The following SPOPL variants were observed in gnomAD, a reference collection of about 807,000 sequenced individuals.
SPOPL encodes speckle type BTB/POZ protein like.
SPOPL carries 23 observed loss-of-function variants against 53.8 expected under a neutral mutation model. The ratio of observed to expected loss-of-function variants is 0.43; its 90% CI spans 0.31 to 0.61. The LOEUF (loss-of-function observed/expected upper bound fraction) is 0.61. Among genes scored for constraint, SPOPL ranks in the 20% least tolerant of loss-of-function variants. The probability of loss-of-function intolerance (pLI) is 0.12; values close to 1 mark genes in which losing one functional copy is unlikely to be tolerated. For missense variants in SPOPL, 442 were observed against 466.9 expected (o/e 0.95, Z 0.49); for synonymous variants, 164 against 149.7 (o/e 1.10, Z -0.70).
intron 1 of SPOPL, among the ~76,000 whole-genome samples, chr2:138,536,682 G>GTTTA (rs1457721584): frequency 1.3e-5 from 2 of 152,050 alleles, no homozygotes; most frequent in African/African-American, 4.8e-5. Context: ...CTGTCCTGTA[G>GTTTA]TTTAGCCTTT....
chr2:138,507,612 T>TA (rs1238720332), intron 1 of SPOPL, among the ~76,000 whole-genome samples: 1 of 152,200 alleles, frequency 6.6e-6, no homozygotes, highest in Non-Finnish European at 1.5e-5. Flanking sequence ...AAAGAAATGA[T>TA]ACTCCAAGTA....
intron 1 of SPOPL, among the ~76,000 whole-genome samples, chr2:138,521,600 G>A (rs1055290603): frequency 6.6e-6 from 1 of 152,018 alleles, no homozygotes; most frequent in Non-Finnish European, 1.5e-5. Context: ...AAGTGACAAG[G>A]CAGCAGTAAA....
chr2:138,545,723 G>C (rs373083598), intron 1 of SPOPL, among the ~76,000 whole-genome samples: 2 of 152,142 alleles, frequency 1.3e-5, no homozygotes, highest in African/African-American at 4.8e-5. Context: ...ACAGGCGTGA[G>C]CCACCGCGCC....
At chr2:138,568,633 A>G (rs1685715572) in intron 10 of SPOPL, among the ~76,000 whole-genome samples, 1 of 152,154 alleles carries the variant, frequency 6.6e-6, no homozygotes. Context: ...AGAGGCATGT[A>G]AAAGAAGAGA....
chr2:138,563,462 A>G (rs1015959701), intron 8 of SPOPL, among the ~76,000 whole-genome samples: 23 of 152,228 alleles, frequency 1.5e-4, no homozygotes, highest in Non-Finnish European at 7.3e-5. Flanking sequence ...AGCCTGGGCA[A>G]CAGAGCAAGA....
At position 138,571,254 on chromosome 2, in the gene SPOPL, G is replaced by C. The variant is rs1023475898; in HGVS notation, c.*2174G>C. On this transcript the variant is annotated 3_prime_UTR_variant, in exon 11 of 11. Transcript: ENST00000280098. ...TTTATATCCAATGCGCACCACACCG[G>C]CACATTGTGATTTAATTCACCGCTT... 8 of 152,302 alleles carry C rather than the reference G, an allele frequency of 5.3e-5. No homozygotes were observed. Among genetic ancestry groups the C allele is most frequent in the African/African-American group, 1.9e-4 (8 of 41,368 alleles). The allele number at this position is 152,302 out of a possible 1,614,324, so 9.4% of individuals were successfully genotyped here. A position where few individuals can be genotyped will look rare whatever the true frequency, so the allele number is the denominator to read the frequency against.
intron 1 of SPOPL, among the ~76,000 whole-genome samples, chr2:138,536,337 GCCCC>G (rs74611889): frequency 1.0e-5 from 1 of 98,584 alleles, no homozygotes; most frequent in African/African-American, 4.0e-5. Flanking sequence ...TCTATTTAGT[GCCCC>G]CCCCCCACAC....
intron 1 of SPOPL, among the ~76,000 whole-genome samples, chr2:138,538,175 G>A (rs1180500056): frequency 6.6e-6 from 1 of 152,156 alleles, no homozygotes; most frequent in African/African-American, 2.4e-5. Context: ...ATGCACTTGA[G>A]AAGAATGTGT....
At position 138,560,746 on chromosome 2, in the gene SPOPL, G is replaced by A. The variant is rs1318332552; in HGVS notation, c.715-59G>A. On this transcript the variant is annotated intron_variant, in intron 7 of 10. Coordinates refer to ENST00000280098, the MANE Select transcript of SPOPL (RefSeq NM_001001664.3). Reference sequence around the variant, plus strand: ...TAAATTACTGTCAAAGATTCACTTTGGTTCATTTGTGTGTACTTTTTTTTT... The same window carrying A: ...TAAATTACTGTCAAAGATTCACTTTAGTTCATTTGTGTGTACTTTTTTTTT... The A allele has an allele frequency of 3.9e-6, 6 of 1,523,334 alleles. No homozygotes were observed. The African/African-American group carries it at 4.3e-5, about 11-fold the overall frequency. 94.4% of individuals were successfully genotyped at this position (1,523,334 alleles called of 1,614,324 possible).
In SPOPL at chr2:138,569,960, T is replaced by C. The variant is rs1482542403; in HGVS notation, c.*880T>C. 1 of 152,616 alleles carries C rather than the reference T, an allele frequency of 6.6e-6. No homozygotes were observed. Among genetic ancestry groups the C allele is most frequent in the African/African-American group, 2.4e-5 (1 of 41,462 alleles). 9.5% of individuals were successfully genotyped at this position (152,616 alleles called of 1,614,324 possible). ...ACTTTTGTATGCTGAATGGTACATA[T>C]ATTTTTTTGCTTTTGAGGGAATTAA... On this transcript the variant is annotated 3_prime_UTR_variant, in exon 11 of 11. Transcript: ENST00000280098.
At chr2:138,514,205 G>A (rs1368915745) in intron 1 of SPOPL, among the ~76,000 whole-genome samples, 2 of 152,156 alleles carry the variant, frequency 1.3e-5, no homozygotes, top group East Asian at 1.9e-4. Context: ...TACCCAAGGC[G>A]GTCAGAGCAT....
At chr2:138,561,394 AT>A (rs1314118977) in intron 8 of SPOPL, among the ~76,000 whole-genome samples, 1 of 152,150 alleles carries the variant, frequency 6.6e-6, no homozygotes, top group East Asian at 1.9e-4. Flanking sequence ...TGTAATGATG[AT>A]TTTTTTGAAG....
At chr2:138,563,788 A>G (rs1685601871) in intron 8 of SPOPL, among the ~76,000 whole-genome samples, 1 of 152,230 alleles carries the variant, frequency 6.6e-6, no homozygotes, top group African/African-American at 2.4e-5. Flanking sequence ...CTAAGTGGAA[A>G]GAAAGCATAT....
At chr2:138,513,715 A>G (rs1444847918) in intron 1 of SPOPL, among the ~76,000 whole-genome samples, 1 of 148,036 alleles carries the variant, frequency 6.8e-6, no homozygotes, top group East Asian at 2.0e-4. Flanking sequence ...GCTCCAGCCT[A>G]GGAAATAGAG....
At chr2:138,510,723 G>A (rs1370507837) in intron 1 of SPOPL, among the ~76,000 whole-genome samples, 1 of 152,066 alleles carries the variant, frequency 6.6e-6, no homozygotes, top group Non-Finnish European at 1.5e-5. Context: ...GGTAAAGATT[G>A]CAATAGTCTC....
intron 1 of SPOPL, among the ~76,000 whole-genome samples, chr2:138,508,573 C>T (rs1050932549): frequency 6.6e-6 from 1 of 152,104 alleles, no homozygotes; most frequent in East Asian, 1.9e-4. Flanking sequence ...TCAAGTAATC[C>T]TCCCACCTCA....
intron 1 of SPOPL, among the ~76,000 whole-genome samples, chr2:138,532,830 T>G (rs1684842906): frequency 6.6e-6 from 1 of 152,132 alleles, no homozygotes; most frequent in Non-Finnish European, 1.5e-5. Context: ...TGACCTTTTG[T>G]CCTGATTGCT....
chr2:138,553,184 G>C (rs1354550182), intron 5 of SPOPL, among the ~76,000 whole-genome samples: 1 of 152,004 alleles, frequency 6.6e-6, no homozygotes. Flanking sequence ...TTTAAGATAT[G>C]CCCGTGTCTA....
At chr2:138,508,436 A>G (rs1279659718) in intron 1 of SPOPL, among the ~76,000 whole-genome samples, 3 of 152,088 alleles carry the variant, frequency 2.0e-5, no homozygotes, top group Non-Finnish European at 4.4e-5. Context: ...GGTTCAAACA[A>G]TTCTCCTGCC....
Sources: gnomAD v4.1 joint callset for allele counts (sites outside exome capture counted in the v4.1 genomes callset) on GRCh38, gnomAD v4.1.1 for gene constraint, MANE v1.5 for transcripts, NCBI Gene and HGNC (gene_info 2026-07-23, HGNC 2026-07-21) for gene names.